The following DAAM2 variants were observed in gnomAD, a reference collection of about 807,000 sequenced individuals.
DAAM2 encodes disheveled-associated activator of morphogenesis 2.
Under a neutral mutation model 120.7 loss-of-function variants are expected in DAAM2, and 39 were observed. The ratio of observed to expected loss-of-function variants is 0.32; its 90% CI spans 0.25 to 0.42. DAAM2 has a LOEUF of 0.42. DAAM2 is among the 10% of genes least tolerant of loss of function. The pLI, the probability that DAAM2 is intolerant of heterozygous loss-of-function variation, is 1.00. For missense variants in DAAM2, 1,283 were observed against 1,401.7 expected (o/e 0.92, Z 1.35); for synonymous variants, 488 against 524.9 (o/e 0.93, Z 0.96).
At chr6:39,815,651 T>TACACACACACACAC (rs56736428) in intron 1 of DAAM2, among the ~76,000 whole-genome samples, 211 of 149,072 alleles carry the variant, frequency 1.4e-3, no homozygotes, top group Middle Eastern at 3.4e-3. Context: ...ACCCCTGGTT[T>TACACACACACACAC]ACACACACAC....
intron 23 of DAAM2, 25 bp downstream of exon 23, chr6:39,900,233 C>T: frequency 6.2e-7 from 1 of 1,605,368 alleles, no homozygotes; most frequent in Non-Finnish European, 8.5e-7. Flanking sequence ...ACCCCCACTG[C>T]TTGCCAACCC....
intron 1 of DAAM2, among the ~76,000 whole-genome samples, chr6:39,815,134 C>G (rs1762270884): frequency 6.6e-6 from 1 of 152,212 alleles, no homozygotes; most frequent in Admixed American, 6.5e-5. Flanking sequence ...TCTAGGGGTG[C>G]AGCCCAGCGA....
At chr6:39,846,985 T>A (rs1562023206) in intron 1 of DAAM2, among the ~76,000 whole-genome samples, 1 of 152,174 alleles carries the variant, frequency 6.6e-6, no homozygotes. Context: ...TACCCCCTAG[T>A]TACTGCCCCA....
At chr6:39,869,289 T>C (rs988266954) in intron 7 of DAAM2, among the ~76,000 whole-genome samples, 1 of 152,090 alleles carries the variant, frequency 6.6e-6, no homozygotes, top group African/African-American at 2.4e-5. Flanking sequence ...TCTTGAAGTA[T>C]AAAAATAGCA....
intron 1 of DAAM2, among the ~76,000 whole-genome samples, chr6:39,794,779 G>C (rs1025199612): frequency 1.6e-4 from 25 of 152,200 alleles, no homozygotes; most frequent in African/African-American, 4.6e-4. Flanking sequence ...AGAAAGCATA[G>C]AGATAATGAA....
chr6:39,887,139 T>C (rs964409476), intron 15 of DAAM2: 3 of 190,982 alleles, frequency 1.6e-5, no homozygotes, highest in East Asian at 2.9e-4. Flanking sequence ...TTATGTCACA[T>C]TGCCCAAAGC....
intron 1 of DAAM2, among the ~76,000 whole-genome samples, chr6:39,854,347 A>C (rs1270507443): frequency 6.6e-6 from 1 of 152,172 alleles, no homozygotes. Flanking sequence ...GGCTATAGAA[A>C]TGGGGATGGC....
intron 1 of DAAM2, among the ~76,000 whole-genome samples, chr6:39,813,368 C>A (rs907227719): frequency 2.1e-4 from 32 of 152,056 alleles, no homozygotes; most frequent in African/African-American, 7.7e-4. Context: ...CTCAGCTTAC[C>A]AGAAGATCTA....
At chr6:39,849,109 C>T (rs954858552) in intron 1 of DAAM2, among the ~76,000 whole-genome samples, 6 of 152,090 alleles carry the variant, frequency 3.9e-5, no homozygotes, top group Non-Finnish European at 7.3e-5. Flanking sequence ...TTGTCAGTTG[C>T]GTAGGAATCA....
At chr6:39,838,004 A>G (rs2149246470) in intron 1 of DAAM2, among the ~76,000 whole-genome samples, 1 of 152,346 alleles carries the variant, frequency 6.6e-6, no homozygotes, top group South Asian at 2.1e-4. Context: ...CATGGCTGAC[A>G]GATAATTCCC....
Position 39,878,501 on chromosome 6 carries a change from G to A in DAAM2, c.1458G>A (p.Met486Ile), listed in dbSNP as rs776951704. The change falls in exon 13 of 25, where the codon ATG becomes ATA. Residue 486 changes from methionine (M) to isoleucine (I), a missense_variant. By Grantham distance (10) the Met-to-Ile change is conservative. Coordinates refer to ENST00000274867, the MANE Select transcript of DAAM2 (RefSeq NM_001201427.2). This position sits in a 1 kb window ranked among gnomAD's most constrained non-coding sequence, Gnocchi z 5.0. ...AGATGATGCGGACGCTGAACAAAAT[G>A]AAGGACAAGCTGGCCCGGGAGTCCC... ...KEEMMRTLNKMKDKLARESQE... is the reference protein window; with the variant it reads ...KEEMMRTLNKIKDKLARESQE... 1.2e-6 allele frequency: 2 copies of A among 1,610,960 alleles called. No individual in the cohort carries two copies. The highest frequency in any genetic ancestry group is 2.2e-5 in the South Asian group (2 of 90,204).
rs188855912 is a variant in DAAM2 at position 39,904,446 on chromosome 6, G to T, written c.*2409G>T. The T allele has an allele frequency of 8.1e-3, 3,672 of 454,710 alleles. 17 individuals are homozygous for T. The highest frequency in any genetic ancestry group is 0.012 in the Non-Finnish European group (2,716 of 226,968). The allele number at this position is 454,710 out of a possible 1,614,324, so 28.2% of individuals were successfully genotyped here. A position where few individuals can be genotyped will look rare whatever the true frequency, so the allele number is the denominator to read the frequency against. On this transcript the variant is annotated 3_prime_UTR_variant, in exon 25 of 25. Transcript: ENST00000274867. Reference sequence around the variant, plus strand: ...CCTTAATAGGTTGTTTCTTGGTCTTGCTTTCTTCATGCCCTCCCCACTGCT... The same window carrying T: ...CCTTAATAGGTTGTTTCTTGGTCTTTCTTTCTTCATGCCCTCCCCACTGCT...
intron 17 of DAAM2, among the ~76,000 whole-genome samples, chr6:39,889,229 G>C (rs1765552641): frequency 6.6e-6 from 1 of 152,164 alleles, no homozygotes; most frequent in Admixed American, 6.6e-5. Flanking sequence ...AAATCAATGA[G>C]AAAATGATGA....
chr6:39,863,562 G>A (rs766582363), intron 3 of DAAM2, among the ~76,000 whole-genome samples: 1 of 152,180 alleles, frequency 6.6e-6, no homozygotes, highest in Non-Finnish European at 1.5e-5. Context: ...AAGCAGGAGA[G>A]TGGAGAAAGC....
chr6:39,838,775 C>G (rs942282108), intron 1 of DAAM2, among the ~76,000 whole-genome samples: 2 of 152,202 alleles, frequency 1.3e-5, no homozygotes, highest in African/African-American at 4.8e-5. Flanking sequence ...TCTCCTGTCT[C>G]TGCCTCCTGA....
At chr6:39,837,461 C>T (rs930429461) in intron 1 of DAAM2, among the ~76,000 whole-genome samples, 1 of 151,928 alleles carries the variant, frequency 6.6e-6, no homozygotes, top group African/African-American at 2.4e-5. Flanking sequence ...ACCTCAGCCT[C>T]CCAAAGTGCT....
chr6:39,887,648 G>A, intron 16 of DAAM2, 56 bp downstream of exon 16: 4 of 1,257,508 alleles, frequency 3.2e-6, no homozygotes, highest in Non-Finnish European at 4.6e-6. Flanking sequence ...GGGGGTGGAG[G>A]AACGGAGTGG....
intron 1 of DAAM2, among the ~76,000 whole-genome samples, chr6:39,846,323 G>T (rs1164227584): frequency 6.6e-6 from 1 of 152,106 alleles, no homozygotes; most frequent in Non-Finnish European, 1.5e-5. Flanking sequence ...CATGGGATAG[G>T]ATTCAATTCA....
Position 39,871,492 on chromosome 6 carries a change from C to T in DAAM2, c.978-14C>T, listed in dbSNP as rs752537296. ...CTGTAATGTCTACTCTCTCTGTCTCCCCATTCTGTCTAGACATTTAGACTT... is the reference window on the plus strand; with the variant it reads ...CTGTAATGTCTACTCTCTCTGTCTCTCCATTCTGTCTAGACATTTAGACTT... On this transcript the variant is annotated splice_polypyrimidine_tract_variant and intron_variant, in intron 8 of 24. Transcript: ENST00000274867. 3.2e-6 allele frequency: 5 copies of T among 1,549,722 alleles called. No individual in the cohort carries two copies. In the South Asian group the frequency reaches 3.6e-5, roughly 11 times the overall value.
Sources: gnomAD v4.1 joint callset for allele counts (sites outside exome capture counted in the v4.1 genomes callset) on GRCh38, gnomAD v4.1.1 for gene constraint, Gnocchi (gnomAD v3.1) non-coding constraint, MANE v1.5 for transcripts, NCBI Gene and HGNC (gene_info 2026-07-23, HGNC 2026-07-21) for gene names.